Variants in IKBKB observed in about 807,000 individuals in gnomAD.
IKBKB encodes inhibitor of nuclear factor kappa-B kinase subunit beta.
IKBKB carries 42 observed loss-of-function variants against 113.6 expected under a neutral mutation model. The observed-to-expected ratio is 0.37, with a 90% CI of 0.29 to 0.48. IKBKB has a LOEUF of 0.48. Among genes scored for constraint, IKBKB ranks in the 20% least tolerant of loss-of-function variants. The probability of loss-of-function intolerance (pLI) is 0.99; values close to 1 mark genes in which losing one functional copy is unlikely to be tolerated. For synonymous variants in IKBKB, 296 were observed against 361.3 expected (o/e 0.82, Z 2.05); for missense variants, 673 against 939.7 (o/e 0.72, Z 3.71).
intron 15 of IKBKB, chr8:42,319,847 A>G: frequency 1.8e-6 from 1 of 546,244 alleles, no homozygotes; most frequent in Non-Finnish European, 3.2e-6. Flanking sequence ...CAGATGCAAG[A>G]GCTGCATGAA....
chr8:42,317,516 C>T (rs1444653272), intron 11 of IKBKB, 141 bp from the exon 12 acceptor site: 3 of 642,346 alleles, frequency 4.7e-6, no homozygotes, highest in Non-Finnish European at 8.4e-6. Context: ...AAACGTTAAA[C>T]ACTTCATGGA....
In IKBKB at chr8:42,290,172, G is replaced by A; in HGVS notation, c.217G>A (p.Val73Met). 2.5e-6 allele frequency: 4 copies of A among 1,613,800 alleles called. No individual in the cohort carries two copies. The highest frequency in any genetic ancestry group is 3.4e-6 in the Non-Finnish European group (4 of 1,179,904). The change falls in exon 4 of 22, where the codon GTG becomes ATG. Residue 73 changes from valine to methionine, a missense_variant. This residue lies in a region of IKBKB where 167 missense variants were observed against 301.0 expected (regional missense o/e 0.55). Coordinates refer to ENST00000520810, the MANE Select transcript of IKBKB (RefSeq NM_001556.3). ...TCCTCCTAGGCTGACCCACCCCAAT[G>A]TGGTGGCTGCCCGAGATGTCCCTGA... ...QIMRRLTHPN[V>M]VAARDVPEGM...
intron 3 of IKBKB, 36 bp downstream of exon 3, chr8:42,288,764 TGGA>T (rs1811950278): frequency 6.6e-7 from 1 of 1,516,748 alleles, no homozygotes; most frequent in Non-Finnish European, 9.0e-7. Flanking sequence ...AAGGGAAAGC[TGGA>T]GCAGCAGCCC....
intron 2 of IKBKB, among the ~76,000 whole-genome samples, chr8:42,279,516 G>T (rs546976393): frequency 1.3e-5 from 2 of 152,224 alleles, no homozygotes; most frequent in African/African-American, 4.8e-5. Context: ...CTGAGAACCT[G>T]CTATGCGCCA....
chr8:42,314,786 A>G (rs556268215), intron 9 of IKBKB, among the ~76,000 whole-genome samples: 1 of 152,130 alleles, frequency 6.6e-6, no homozygotes, highest in Admixed American at 6.5e-5. Context: ...AAAAAAAAAA[A>G]AAAGAAAAAA....
intron 1 of IKBKB, 188 bp downstream of exon 1, chr8:42,271,657 G>A: frequency 1.9e-6 from 1 of 539,704 alleles, no homozygotes; most frequent in Non-Finnish European, 3.2e-6. Flanking sequence ...GGCTTCTTGG[G>A]GGTGGGTGGC....
chr8:42,316,125 C>T lies in IKBKB; in HGVS notation c.801-85C>T, dbSNP rs878939717. 1.9e-4 allele frequency: 279 copies of T among 1,437,544 alleles called. No homozygotes were observed. Among genetic ancestry groups the T allele is most frequent in the Non-Finnish European group, 2.4e-4 (257 of 1,050,062 alleles). The allele number at this position is 1,437,544 out of a possible 1,614,324, so 89.0% of individuals were successfully genotyped here. A position where few individuals can be genotyped will look rare whatever the true frequency, so the allele number is the denominator to read the frequency against. On this transcript the variant is annotated intron_variant, in intron 9 of 21. Transcript: ENST00000520810. The surrounding 1 kb of genome is among the most constrained non-coding windows in gnomAD (Gnocchi z 4.5). ...ATTTTCAATCACCGTCTACTGGCTG[C>T]CGTCTGTGTGTATACTGGGAGACGC...
intron 13 of IKBKB, 59 bp from the exon 14 acceptor site, chr8:42,319,210 AC>A (rs1819295278): frequency 6.6e-7 from 1 of 1,516,312 alleles, no homozygotes; most frequent in African/African-American, 1.4e-5. Flanking sequence ...TTGTTATTGT[AC>A]AGGAAATGGA....
Position 42,330,993 on chromosome 8 carries a change from G to C in IKBKB, c.*14G>C, listed in dbSNP as rs202224656. On this transcript the variant is annotated 3_prime_UTR_variant, in exon 22 of 22. Transcript: ENST00000520810. ...CAGGCCTCATGATGTGGGGGGACTC[G>C]ACCCCCTGACATGGGGCAGCCCATA... The C allele has an allele frequency of 1.2e-6, 2 of 1,613,578 alleles. No homozygotes were observed. The highest frequency in any genetic ancestry group is 2.2e-5 in the East Asian group (1 of 44,882).
At chr8:42,296,406 CAGATCACGAGGTCCGG>C (rs1274694499) in intron 5 of IKBKB, among the ~76,000 whole-genome samples, 1 of 152,168 alleles carries the variant, frequency 6.6e-6, no homozygotes, top group African/African-American at 2.4e-5. Flanking sequence ...CCGAGGTGGG[CAGATCACGAGGTCCGG>C]AGTTCGAGGC....
Position 42,314,417 on chromosome 8 carries a change from A to G in IKBKB, c.788A>G (p.Asn263Ser), listed in dbSNP as rs201211235. 185 of 1,600,516 alleles carry G rather than the reference A, an allele frequency of 1.2e-4. No homozygotes were observed. Among genetic ancestry groups the G allele is most frequent in the South Asian group, 2.3e-4 (21 of 90,782 alleles). ...TTTTCAAGCTCTTTACCCTACCCCA[A>G]TAATCTTAACAGGTAAGGCACAGCG... is the stretch of plus-strand genomic sequence containing the variant. ...VKFSSSLPYP[N>S]NLNSVLAERL... The change falls in exon 9 of 22, where the codon AAT becomes AGT. Residue 263 changes from asparagine (N) to serine (S), a missense_variant. By Grantham distance (46) the Asn-to-Ser change is conservative (BLOSUM62 1). Around this residue, in one of 2 missense-constraint regions of IKBKB, gnomAD observed 506 missense variants for 638.7 expected, o/e 0.79. Transcript: ENST00000520810.
intron 6 of IKBKB, among the ~76,000 whole-genome samples, chr8:42,306,067 TG>T (rs1281686992): frequency 3.9e-5 from 6 of 152,348 alleles, no homozygotes; most frequent in African/African-American, 1.2e-4. Context: ...TCTTGAGGGC[TG>T]GTGCCTGTTC....
chr8:42,279,904 A>G (rs1809997818), intron 2 of IKBKB, among the ~76,000 whole-genome samples: 1 of 152,212 alleles, frequency 6.6e-6, no homozygotes, highest in East Asian at 1.9e-4. Context: ...ACTGGAGTGC[A>G]GTGGCTCGAT....
intron 21 of IKBKB, among the ~76,000 whole-genome samples, chr8:42,330,615 A>AT (rs1821588438): frequency 1.3e-5 from 2 of 152,132 alleles, no homozygotes; most frequent in African/African-American, 4.8e-5. Context: ...GGTTCAAGTG[A>AT]TTCTCCTGCC....
intron 7 of IKBKB, 75 bp from the exon 8 acceptor site, chr8:42,308,826 T>A: frequency 6.9e-7 from 1 of 1,456,470 alleles, no homozygotes. Flanking sequence ...TGAAAGCAGA[T>A]GGGCTGGCCG....
chr8:42,271,363 G>A lies in IKBKB; in HGVS notation c.-125G>A, dbSNP rs2129962533. 1.4e-6 allele frequency: 2 copies of A among 1,462,686 alleles called. No homozygotes were observed. The highest frequency in any genetic ancestry group is 1.9e-6 in the Non-Finnish European group (2 of 1,081,050). The allele number at this position is 1,462,686 out of a possible 1,614,324, so 90.6% of individuals were successfully genotyped here. A position where few individuals can be genotyped will look rare whatever the true frequency, so the allele number is the denominator to read the frequency against. On this transcript the variant is annotated 5_prime_UTR_variant, in exon 1 of 22. Transcript: ENST00000520810. ...CCGCGCTGCCCGCGTTAAGATTCCC[G>A]CATTTTAATGTTTTCAGGGGGGTGT...
chr8:42,327,593 A>G (rs2130724304), intron 20 of IKBKB, among the ~76,000 whole-genome samples: 1 of 150,534 alleles, frequency 6.6e-6, no homozygotes, highest in African/African-American at 2.5e-5. Context: ...TCAGCCTCCC[A>G]AAGTGCTGGG....
chr8:42,320,630 G>T (rs982350039), intron 15 of IKBKB, 105 bp from the exon 16 acceptor site: 1 of 890,356 alleles, frequency 1.1e-6, no homozygotes, highest in African/African-American at 1.6e-5. Context: ...TCCATTGAGG[G>T]TCCTCAGGGA....
intron 2 of IKBKB, among the ~76,000 whole-genome samples, chr8:42,275,849 C>CT (rs967698827): frequency 5.0e-4 from 74 of 149,048 alleles, no homozygotes; most frequent in African/African-American, 7.4e-4. Context: ...TATAGTTTTT[C>CT]TTTTTTTTTT....
Sources: allele counts gnomAD v4.1 joint callset (sites outside exome capture counted in the v4.1 genomes callset), GRCh38; gene constraint gnomAD v4.1.1; regional missense constraint gnomAD v4.1.1; non-coding constraint Gnocchi (gnomAD v3.1); transcripts MANE v1.5; gene names NCBI Gene and HGNC (gene_info 2026-07-23, HGNC 2026-07-21).